Variants in ZNF385D observed in about 807,000 individuals in gnomAD.
The protein encoded by ZNF385D is zinc finger protein 385D.
Under a neutral mutation model 35.8 loss-of-function variants are expected in ZNF385D, and 15 were observed. The ratio of observed to expected loss-of-function variants is 0.42; its 90% CI spans 0.28 to 0.64. The LOEUF (loss-of-function observed/expected upper bound fraction) is 0.64, where lower values mean the gene tolerates loss of function less well. Ranked by LOEUF, ZNF385D falls within the 30% of genes least tolerant of loss-of-function variation. The probability of loss-of-function intolerance (pLI) is 0.23; values close to 1 mark genes in which losing one functional copy is unlikely to be tolerated. For missense variants in ZNF385D, 474 were observed against 494.6 expected, an observed-to-expected ratio of 0.96 and a Z score of 0.39; for synonymous variants, 212 against 186.8, an observed-to-expected ratio of 1.13 and a Z score of -1.10.
intron 3 of ZNF385D, among the ~76,000 whole-genome samples, chr3:21,989,442 CTAAT>C (rs540155743): frequency 3.9e-4 from 60 of 152,176 alleles, no homozygotes; most frequent in African/African-American, 1.3e-3. Context: ...CAGTCGGAAA[CTAAT>C]TATTTGTGGA....
At chr3:21,869,393 A>G (rs997745805) in intron 3 of ZNF385D, among the ~76,000 whole-genome samples, 8 of 152,140 alleles carry the variant, frequency 5.3e-5, no homozygotes, top group African/African-American at 1.9e-4. Flanking sequence ...CAAATGTAAT[A>G]TCTTACAACA....
At position 21,961,941 on chromosome 3, in the gene ZNF385D, C is replaced by T. The variant is rs531865555; in HGVS notation, c.325+206876G>A. Among the ~76,000 whole-genome samples, 11 of 152,030 alleles carry T rather than the reference C, an allele frequency of 7.2e-5. 1 individual carries two copies. Among genetic ancestry groups the T allele is most frequent in the East Asian group, 3.9e-4 (2 of 5,160 alleles). The stretch of plus-strand genomic sequence containing the variant: ...GAAAAGAATTAAGGAGAAAAGTCAC[C>T]GCAAAAAGAAGTGACATGGGTTTTC... On this transcript the variant is annotated intron_variant, in intron 3 of 5. Coordinates refer to the ZNF385D transcript ENST00000494108.
At chr3:22,028,016 T>C (rs974604818) in intron 3 of ZNF385D, among the ~76,000 whole-genome samples, 1 of 152,140 alleles carries the variant, frequency 6.6e-6, no homozygotes, top group Admixed American at 6.5e-5. Context: ...GCAGTGCACC[T>C]GGTTGCTCAC....
At chr3:21,482,793 T>C (rs1421394293) in intron 4 of ZNF385D, among the ~76,000 whole-genome samples, 1 of 152,146 alleles carries the variant, frequency 6.6e-6, no homozygotes. Flanking sequence ...TGGAACATGA[T>C]CTCTGTTTTC....
chr3:21,485,746 A>G (rs1704980276), intron 4 of ZNF385D, among the ~76,000 whole-genome samples: 2 of 152,042 alleles, frequency 1.3e-5, no homozygotes, highest in African/African-American at 2.4e-5. Flanking sequence ...GGCAGGCCTT[A>G]TGTTAGAGGC....
intron 3 of ZNF385D, among the ~76,000 whole-genome samples, chr3:22,164,168 A>G (rs1270836609): frequency 6.7e-6 from 1 of 148,564 alleles, no homozygotes; most frequent in Non-Finnish European, 1.5e-5. Context: ...ACCTATAGTT[A>G]TAAGTGAGCA....
intron 1 of ZNF385D, among the ~76,000 whole-genome samples, chr3:21,745,873 T>C: frequency 1.3e-5 from 2 of 152,304 alleles, no homozygotes; most frequent in Admixed American, 1.3e-4. Flanking sequence ...CTCTAATGTA[T>C]ATAATGGTTG....
At chr3:21,764,239 C>G (rs1175969584) in intron 3 of ZNF385D, among the ~76,000 whole-genome samples, 1 of 152,040 alleles carries the variant, frequency 6.6e-6, no homozygotes, top group Non-Finnish European at 1.5e-5. Context: ...GAGACAAGAG[C>G]TAGAAGATGC....
chr3:21,422,648 T>A (rs73143400), intron 7 of ZNF385D, among the ~76,000 whole-genome samples: 17,582 of 152,230 alleles, frequency 0.12, 1,225 homozygotes, highest in African/African-American at 0.18. Context: ...ACCACAATCA[T>A]TTTGGCTTTA....
intron 3 of ZNF385D, among the ~76,000 whole-genome samples, chr3:21,929,969 T>G (rs1700920201): frequency 6.6e-6 from 1 of 152,058 alleles, no homozygotes; most frequent in Non-Finnish European, 1.5e-5. Context: ...CATATGGGAA[T>G]ACAAGGGACC....
intron 2 of ZNF385D, among the ~76,000 whole-genome samples, chr3:22,177,182 C>T (rs1344843706): frequency 1.3e-5 from 2 of 152,170 alleles, no homozygotes; most frequent in Non-Finnish European, 2.9e-5. Flanking sequence ...GTGAGTCCTG[C>T]TCTTGAGTTC....
rs546266958 is a variant in ZNF385D, at chr3:22,364,451, T to C, written c.106+7999A>G. Among the ~76,000 whole-genome samples, 5 of 152,100 alleles carry C rather than the reference T, an allele frequency of 3.3e-5. No homozygotes were observed. The South Asian group carries it at 8.3e-4, about 25-fold the overall frequency. On this transcript the variant is annotated intron_variant, in intron 2 of 5. Transcript: ENST00000494108. Reference sequence around the variant, plus strand: ...AAAATGGGCAAAGGACTTGACTAAATATTGCTTTAAAGGAGACATACAAAT... The same window carrying C: ...AAAATGGGCAAAGGACTTGACTAAACATTGCTTTAAAGGAGACATACAAAT...
chr3:21,748,861 A>G (rs1054687172), intron 1 of ZNF385D, among the ~76,000 whole-genome samples: 10 of 152,214 alleles, frequency 6.6e-5, no homozygotes, highest in African/African-American at 2.2e-4. Flanking sequence ...TTAGGATGCT[A>G]TTGAATTTTA....
chr3:22,043,178 C>G (rs1044214185), intron 3 of ZNF385D, among the ~76,000 whole-genome samples: 2 of 152,062 alleles, frequency 1.3e-5, no homozygotes, highest in Non-Finnish European at 2.9e-5. Flanking sequence ...GTTAAGAAAA[C>G]AAAACAATAG....
chr3:21,726,322 G>C (rs758233914), intron 1 of ZNF385D, among the ~76,000 whole-genome samples: 1 of 152,078 alleles, frequency 6.6e-6, no homozygotes, highest in Non-Finnish European at 1.5e-5. Context: ...TGGAAGTTCT[G>C]GCCAGGGCAA....
chr3:21,898,084 A>G (rs1287466429), intron 3 of ZNF385D, among the ~76,000 whole-genome samples: 1 of 152,166 alleles, frequency 6.6e-6, no homozygotes, highest in Non-Finnish European at 1.5e-5. Context: ...ATGTTAGACT[A>G]GGAAGTATGT....
At chr3:22,105,715 T>A (rs1021752349) in intron 3 of ZNF385D, among the ~76,000 whole-genome samples, 4 of 152,040 alleles carry the variant, frequency 2.6e-5, no homozygotes, top group African/African-American at 9.7e-5. Flanking sequence ...TTTGTTCTAT[T>A]AAGGTCCTCA....
At chr3:21,589,047 C>G (rs149024962) in intron 2 of ZNF385D, among the ~76,000 whole-genome samples, 82 of 151,984 alleles carry the variant, frequency 5.4e-4, no homozygotes, top group Admixed American at 1.1e-3. Flanking sequence ...GGGAGAGAGA[C>G]ACAATAAGAT....
At chr3:21,612,263 TTTTG>T (rs1293966942) in intron 2 of ZNF385D, among the ~76,000 whole-genome samples, 1 of 151,988 alleles carries the variant, frequency 6.6e-6, no homozygotes, top group Non-Finnish European at 1.5e-5. Flanking sequence ...TTTTTTTATT[TTTTG>T]TTTTTTATTT....
Sources: allele counts gnomAD v4.1 joint callset (sites outside exome capture counted in the v4.1 genomes callset), GRCh38; gene constraint gnomAD v4.1.1; transcripts MANE v1.5; gene names NCBI Gene and HGNC (gene_info 2026-07-23, HGNC 2026-07-21).